Variants in PYGO1 observed in about 807,000 individuals in gnomAD.
The protein encoded by PYGO1 is pygopus family PHD finger 1.
In PYGO1, 6 loss-of-function variants were observed where a neutral mutation model predicts 29.5. The ratio of observed to expected loss-of-function variants is 0.20; its 90% confidence interval spans 0.11 to 0.40. PYGO1 has a LOEUF of 0.40. Ranked by LOEUF, PYGO1 falls within the 10% of genes least tolerant of loss-of-function variation. PYGO1 has a pLI of 1.00. For synonymous variants in PYGO1, 186 were observed against 180.5 expected (o/e 1.03, Z -0.24); for missense variants, 515 against 514.9 (o/e 1.00, Z 0.00).
In PYGO1 at chr15:55,546,831, T is replaced by C. The variant is rs769387539; in HGVS notation, c.452A>G (p.His151Arg). 3.7e-6 allele frequency: 6 copies of C among 1,614,068 alleles called. No homozygotes were observed. Among genetic ancestry groups the C allele is most frequent in the Admixed American group, 1.7e-5 (1 of 60,002 alleles). The change falls in exon 3 of 3, where the codon CAT becomes CGT. Residue 151 changes from histidine (H) to arginine (R), a missense_variant. Physicochemically the swap from His to Arg is conservative, Grantham distance 29 (BLOSUM62 0). Coordinates refer to ENST00000563719, the MANE Select transcript of PYGO1 (RefSeq NM_001367806.1). ...NRPHAFNFGP[H>R]DNSSFGNPSY... is the part of the protein sequence containing the mutation. ...TGGATTACCGAAACTTGAATTATCA[T>C]GTGGCCCAAAGTTAAAAGCATGAGG...
chr15:55,559,585 G>C (rs1021078278), intron 1 of PYGO1, among the ~76,000 whole-genome samples: 3 of 152,166 alleles, frequency 2.0e-5, no homozygotes, highest in Admixed American at 6.5e-5. Flanking sequence ...CAACCCAAAT[G>C]TCCATCAATG....
At chr15:55,588,674 G>GAACGCCC (rs1043124864), upstream of PYGO1, 3 of 960,244 alleles carry the variant, frequency 3.1e-6, no homozygotes, top group East Asian at 8.8e-5. Flanking sequence ...CCAGGCCCGA[G>GAACGCCC]AACGCCCGAC....
chr15:55,588,870 C>T (rs773559111), upstream of PYGO1: 3 of 1,613,354 alleles, frequency 1.9e-6, no homozygotes, highest in Non-Finnish European at 8.5e-7. Context: ...TCCAGATTCC[C>T]CGACTCCGTG....
chr15:55,570,055 T>C (rs1388009796), intron 1 of PYGO1, among the ~76,000 whole-genome samples: 1 of 152,224 alleles, frequency 6.6e-6, no homozygotes, highest in African/African-American at 2.4e-5. Context: ...GCTTTCCCTC[T>C]ACCTGAGTTG....
chr15:55,560,131 G>T (rs1039870795), intron 1 of PYGO1, among the ~76,000 whole-genome samples: 1 of 152,092 alleles, frequency 6.6e-6, no homozygotes, highest in South Asian at 2.1e-4. Flanking sequence ...CAAAAGACAA[G>T]GATGCTCTCT....
chr15:55,586,554 T>C (rs1355750091), intron 1 of PYGO1, among the ~76,000 whole-genome samples: 2 of 152,238 alleles, frequency 1.3e-5, no homozygotes, highest in African/African-American at 4.8e-5. Flanking sequence ...AAGAATCAAA[T>C]AATTCTTGAT....
chr15:55,587,995 G>C lies in PYGO1; in HGVS notation c.-112C>G. ...CCGCTGCGGCTGCGAGGCAAGCCTC[G>C]GAGCCGAGGCACGGCCGAGGGCGGT... is the stretch of plus-strand genomic sequence containing the variant. On this transcript the variant is annotated 5_prime_UTR_variant, in exon 1 of 3. Transcript: ENST00000563719. 1 of 1,388,114 alleles carries C rather than the reference G, an allele frequency of 7.2e-7. No homozygotes were observed. The allele number at this position is 1,388,114 out of a possible 1,614,324, so 86.0% of individuals were successfully genotyped here.
intron 1 of PYGO1, among the ~76,000 whole-genome samples, chr15:55,558,446 T>C (rs1280250528): frequency 3.9e-5 from 6 of 152,092 alleles, no homozygotes; most frequent in African/African-American, 9.7e-5. Flanking sequence ...GATTCAATGC[T>C]ATCCCCATCA....
In PYGO1 at chr15:55,587,803, G is replaced by A. The variant is rs544367427; in HGVS notation, c.49+32C>T. 113 of 1,476,670 alleles carry A rather than the reference G, an allele frequency of 7.7e-5. No homozygotes were observed. The African/African-American group carries it at 1.4e-3, about 19-fold the overall frequency. 91.5% of individuals were successfully genotyped at this position (1,476,670 alleles called of 1,614,324 possible). A position where few individuals can be genotyped will look rare whatever the true frequency, so the allele number is the denominator to read the frequency against. On this transcript the variant is annotated intron_variant, in intron 1 of 2. Coordinates refer to ENST00000563719, the MANE Select transcript of PYGO1 (RefSeq NM_001367806.1). ...GGGCCCCGCGCACCTCACTCACCCCGGTTCCCCCAATCCGGCACCCTTCTC... is the reference window on the plus strand; with the variant it reads ...GGGCCCCGCGCACCTCACTCACCCCAGTTCCCCCAATCCGGCACCCTTCTC...
chr15:55,567,817 G>C (rs1267162826), intron 1 of PYGO1, among the ~76,000 whole-genome samples: 1 of 152,068 alleles, frequency 6.6e-6, no homozygotes, highest in Non-Finnish European at 1.5e-5. Context: ...TCTACATATG[G>C]ATAGCCAGCT....
intron 1 of PYGO1, among the ~76,000 whole-genome samples, chr15:55,550,860 G>T (rs1171497227): frequency 6.6e-6 from 1 of 152,122 alleles, no homozygotes. Context: ...TTGATATTGG[G>T]TCTAGACCAG....
chr15:55,557,558 C>A (rs1361354786), intron 1 of PYGO1, among the ~76,000 whole-genome samples: 1 of 152,180 alleles, frequency 6.6e-6, no homozygotes, highest in Non-Finnish European at 1.5e-5. Context: ...AATTTTAGAC[C>A]AATCTCCCTG....
At position 55,546,915 on chromosome 15, in the gene PYGO1, G is replaced by A; in HGVS notation, c.368C>T (p.Ser123Leu). Reference protein sequence around the residue: ...RMSSPYCGPYSLRNQPHPFPQ... With the variant: ...RMSSPYCGPYLLRNQPHPFPQ... ...AAATGGGTGTGGCTGGTTCCTGAGT[G>A]AGTAAGGACCACAGTATGGGGAAGA... Residue 123 changes from serine to leucine, a missense_variant, in exon 3 of 3, where the codon TCA becomes TTA. Ser to Leu is a moderately radical substitution (Grantham distance 145). Coordinates refer to ENST00000563719, the MANE Select transcript of PYGO1 (RefSeq NM_001367806.1). The A allele has an allele frequency of 1.9e-6, 3 of 1,614,150 alleles. No homozygotes were observed. The highest frequency in any genetic ancestry group is 2.5e-6 in the Non-Finnish European group (3 of 1,180,022).
intron 1 of PYGO1, among the ~76,000 whole-genome samples, chr15:55,569,885 A>G (rs879694376): frequency 1.5e-4 from 23 of 152,216 alleles, no homozygotes; most frequent in Admixed American, 6.5e-5. Flanking sequence ...CTGCACTGCC[A>G]GGTCACCAAG....
intron 1 of PYGO1, among the ~76,000 whole-genome samples, chr15:55,577,630 C>T (rs1278887717): frequency 6.6e-6 from 1 of 151,736 alleles, no homozygotes; most frequent in Middle Eastern, 3.4e-3. Context: ...AGTGTATAGT[C>T]GGTGATTTTT....
Position 55,546,235 on chromosome 15 carries a change from C to A in PYGO1, c.1048G>T (p.Val350Leu). 1.2e-6 allele frequency: 2 copies of A among 1,614,202 alleles called. No individual in the cohort carries two copies. The highest frequency in any genetic ancestry group is 1.7e-6 in the Non-Finnish European group (2 of 1,180,016). ...AAGATGGCATCCTGATCATCGTTCACCTCGTTTGTACAAATTCCACAAGGA... is the reference window on the plus strand; with the variant it reads ...AAGATGGCATCCTGATCATCGTTCAACTCGTTTGTACAAATTCCACAAGGA... ...VYPCGICTNE[V>L]NDDQDAILCE... The change falls in exon 3 of 3, where the codon GTG (valine) becomes TTG (leucine). Residue 350 changes from valine (V) to leucine (L), a missense_variant. Transcript: ENST00000563719.
chr15:55,578,136 T>C (rs899480566), intron 1 of PYGO1, among the ~76,000 whole-genome samples: 1 of 152,214 alleles, frequency 6.6e-6, no homozygotes, highest in Non-Finnish European at 1.5e-5. Context: ...TAGCATAACA[T>C]TTTCAAGGTT....
At chr15:55,558,832 C>T (rs376692872) in intron 1 of PYGO1, among the ~76,000 whole-genome samples, 20 of 152,008 alleles carry the variant, frequency 1.3e-4, no homozygotes, top group African/African-American at 3.4e-4. Flanking sequence ...CAAAAATTAA[C>T]TCAAGATGGA....
rs2059058285 is a variant in PYGO1 at position 55,588,183 on chromosome 15, G to GCGT, written c.-301_-300insACG. On this transcript the variant is annotated 5_prime_UTR_variant, in exon 1 of 3. Coordinates refer to ENST00000563719, the MANE Select transcript of PYGO1 (RefSeq NM_001367806.1). ...GGGCCGGCATGTGCTGAGGGCGAGT[G>GCGT]CGCCGCCGCCGCCGCCGCCTCCTCC... 5.8e-6 allele frequency: 2 copies of GCGT among 342,880 alleles called. No homozygotes were observed. Among genetic ancestry groups the GCGT allele is most frequent in the Non-Finnish European group, 8.2e-6 (2 of 245,000 alleles). 21.2% of individuals were successfully genotyped at this position (342,880 alleles called of 1,614,324 possible). A position where few individuals can be genotyped will look rare whatever the true frequency, so the allele number is the denominator to read the frequency against.
Sources: allele counts gnomAD v4.1 joint callset (sites outside exome capture counted in the v4.1 genomes callset), GRCh38; gene constraint gnomAD v4.1.1; transcripts MANE v1.5; gene names NCBI Gene and HGNC (gene_info 2026-07-23, HGNC 2026-07-21).